SUPT3H: variants seen among roughly 807,000 people sequenced by gnomAD.
SUPT3H encodes the protein transcription initiation protein SPT3 homolog.
A neutral mutation model predicts 44.3 loss-of-function variants in SUPT3H; 44 were observed. That is an observed-to-expected ratio of 0.99 (90% CI 0.78 to 1.28). SUPT3H has a LOEUF of 1.28. SUPT3H is among the 50% of genes most tolerant of loss of function. The probability of loss-of-function intolerance (pLI) is 0.00; values close to 1 mark genes in which losing one functional copy is unlikely to be tolerated. For missense variants in SUPT3H, 380 were observed against 387.1 expected (o/e 0.98, Z 0.15); for synonymous variants, 124 against 125.6 (o/e 0.99, Z 0.09).
At chr6:45,069,649 G>A (rs1230523553) in intron 3 of SUPT3H, among the ~76,000 whole-genome samples, 1 of 152,086 alleles carries the variant, frequency 6.6e-6, no homozygotes, top group Non-Finnish European at 1.5e-5. Flanking sequence ...AAGATTAACT[G>A]CTTAAGCATT....
intron 2 of SUPT3H, among the ~76,000 whole-genome samples, chr6:45,276,714 C>T (rs1376717844): frequency 6.6e-6 from 1 of 152,178 alleles, no homozygotes; most frequent in East Asian, 1.9e-4. Context: ...AACACACCTG[C>T]TACTTGATGA....
Position 44,976,307 on chromosome 6 carries a change from A to G in SUPT3H, c.505-14479T>C, listed in dbSNP as rs192773099. ...GCTTTGCTTCAGATGTAGTAAACGT[A>G]AATTCCTAAATACTTAAGAAAAAGC... On this transcript the variant is annotated intron_variant, in intron 6 of 10. Coordinates refer to ENST00000371459, the MANE Select transcript of SUPT3H (RefSeq NM_003599.4). Among the ~76,000 whole-genome samples the G allele has an allele frequency of 2.8e-3, 421 of 152,368 alleles. 3 individuals are homozygous for G. The highest frequency in any genetic ancestry group is 9.6e-3 in the African/African-American group (400 of 41,592).
intron 4 of SUPT3H, among the ~76,000 whole-genome samples, chr6:45,020,289 G>C (rs1784930858): frequency 6.6e-6 from 1 of 151,920 alleles, no homozygotes; most frequent in African/African-American, 2.4e-5. Flanking sequence ...ATGTAGCAAT[G>C]AAAGTGTCTG....
chr6:45,057,228 G>A (rs1791269542), intron 3 of SUPT3H, among the ~76,000 whole-genome samples: 1 of 151,688 alleles, frequency 6.6e-6, no homozygotes, highest in Non-Finnish European at 1.5e-5. Flanking sequence ...TCTTATTATG[G>A]ACTCAATCTT....
At position 44,898,116 on chromosome 6, in the gene SUPT3H, C is replaced by T. The variant is rs138098617; in HGVS notation, c.912+34537G>A. Among the ~76,000 whole-genome samples, 401 of 152,218 alleles carry T rather than the reference C, an allele frequency of 2.6e-3. 4 individuals carry two copies. The highest frequency in any genetic ancestry group is 8.3e-3 in the African/African-American group (343 of 41,544). On this transcript the variant is annotated intron_variant, in intron 10 of 10. Coordinates refer to ENST00000371459, the MANE Select transcript of SUPT3H (RefSeq NM_003599.4). ...GACTAAGAATTTGCATCTTATGATC[C>T]TTTGAGGCCTTTTGTTAACTTGAAG...
chr6:45,237,118 G>A (rs1467921940), intron 2 of SUPT3H, among the ~76,000 whole-genome samples: 1 of 152,074 alleles, frequency 6.6e-6, no homozygotes, highest in Non-Finnish European at 1.5e-5. Flanking sequence ...AGGAGGATTT[G>A]GAAACACAAA....
chr6:45,142,065 C>A (rs922655169), intron 2 of SUPT3H, among the ~76,000 whole-genome samples: 28 of 152,160 alleles, frequency 1.8e-4, no homozygotes, highest in Non-Finnish European at 2.5e-4. Flanking sequence ...AGAAACCTTA[C>A]AAGCCAGAAA....
At chr6:44,889,827 C>A (rs997200131) in intron 10 of SUPT3H, among the ~76,000 whole-genome samples, 1 of 151,986 alleles carries the variant, frequency 6.6e-6, no homozygotes, top group African/African-American at 2.4e-5. Context: ...GAACAGGCAA[C>A]CTACAAAATG....
At chr6:45,184,395 C>T (rs962439492) in intron 2 of SUPT3H, among the ~76,000 whole-genome samples, 6 of 151,952 alleles carry the variant, frequency 3.9e-5, no homozygotes, top group East Asian at 1.9e-4. Context: ...AATCACAGCC[C>T]GATGTCCAAA....
intron 2 of SUPT3H, among the ~76,000 whole-genome samples, chr6:45,176,355 C>A (rs998689262): frequency 2.6e-5 from 4 of 151,964 alleles, no homozygotes; most frequent in Non-Finnish European, 4.4e-5. Flanking sequence ...CCGAATATTG[C>A]GCTTTTCAGA....
chr6:44,963,531 TAA>T (rs1257265999), intron 6 of SUPT3H, among the ~76,000 whole-genome samples: 2 of 152,108 alleles, frequency 1.3e-5, no homozygotes, highest in Non-Finnish European at 2.9e-5. Flanking sequence ...CACGTCTCCT[TAA>T]GAGTATATTA....
intron 10 of SUPT3H, among the ~76,000 whole-genome samples, chr6:44,840,956 C>T (rs1770836457): frequency 6.6e-6 from 1 of 152,072 alleles, no homozygotes; most frequent in Admixed American, 6.5e-5. Flanking sequence ...ATGATGTTGT[C>T]ATCTAACTTT....
intron 2 of SUPT3H, among the ~76,000 whole-genome samples, chr6:45,258,243 T>C (rs1345243262): frequency 3.3e-5 from 5 of 152,230 alleles, no homozygotes; most frequent in African/African-American, 7.2e-5. Context: ...AACATGTTTA[T>C]GTAAAATTAA....
At chr6:45,174,465 C>A (rs1811349786) in intron 2 of SUPT3H, among the ~76,000 whole-genome samples, 1 of 152,142 alleles carries the variant, frequency 6.6e-6, no homozygotes, top group Admixed American at 6.5e-5. Flanking sequence ...AATCTATGCT[C>A]CAAATCTAAG....
intron 2 of SUPT3H, among the ~76,000 whole-genome samples, chr6:45,212,881 T>C (rs929857283): frequency 6.6e-6 from 1 of 152,162 alleles, no homozygotes; most frequent in Non-Finnish European, 1.5e-5. Flanking sequence ...GATGGATGCA[T>C]TTACATGATC....
chr6:45,021,791 C>T (rs1021225172), intron 3 of SUPT3H, among the ~76,000 whole-genome samples: 1 of 151,954 alleles, frequency 6.6e-6, no homozygotes, highest in African/African-American at 2.4e-5. Flanking sequence ...TCTAAATACA[C>T]AGACTACAAA....
chr6:45,224,352 C>A (rs1010971012), intron 2 of SUPT3H, among the ~76,000 whole-genome samples: 2 of 152,054 alleles, frequency 1.3e-5, no homozygotes, highest in Admixed American at 6.6e-5. Context: ...CTATGACATG[C>A]TGAAAGAATG....
At chr6:45,090,336 T>C (rs1796980720) in intron 3 of SUPT3H, among the ~76,000 whole-genome samples, 1 of 152,104 alleles carries the variant, frequency 6.6e-6, no homozygotes, top group Non-Finnish European at 1.5e-5. Flanking sequence ...ATTAGGTCTT[T>C]AATACTGACA....
chr6:45,286,866 G>C (rs1445224037), intron 2 of SUPT3H, among the ~76,000 whole-genome samples: 2 of 152,168 alleles, frequency 1.3e-5, no homozygotes, highest in Non-Finnish European at 2.9e-5. Context: ...TGATAGACTG[G>C]ATTAAGAAAA....
Sources: allele counts gnomAD v4.1 joint callset (sites outside exome capture counted in the v4.1 genomes callset), GRCh38; gene constraint gnomAD v4.1.1; transcripts MANE v1.5; gene names NCBI Gene and HGNC (gene_info 2026-07-23, HGNC 2026-07-21).